Variants in NUP188 observed in about 807,000 individuals in gnomAD.
NUP188 encodes nucleoporin NUP188.
In NUP188, 97 loss-of-function variants were observed where a neutral mutation model predicts 223.0. That is an observed-to-expected ratio of 0.43 (90% confidence interval 0.37 to 0.51). NUP188 has a LOEUF of 0.51. Ranked by LOEUF, NUP188 falls within the 20% of genes least tolerant of loss-of-function variation. The pLI, the probability that NUP188 is intolerant of heterozygous loss-of-function variation, is 0.00. For synonymous variants in NUP188, 869 were observed against 828.0 expected (o/e 1.05, Z -0.85); for missense variants, 1,947 against 2,175.6 (o/e 0.89, Z 2.09).
At position 128,958,284 on chromosome 9, in the gene NUP188, G is replaced by C. The variant is rs1448444190; in HGVS notation, c.372+230G>C. 2.0e-5 allele frequency among the ~76,000 whole-genome samples: 3 copies of C among 152,118 alleles called. No homozygotes were observed. In the South Asian group the frequency reaches 6.2e-4, roughly 32 times the overall value. ...TACTGGTGGTGAGAACAAGTTCATG[G>C]ATATTTTTTCTTTAGGTGTAAGTCC... On this transcript the variant is annotated intron_variant, in intron 6 of 43. Coordinates refer to ENST00000372577, the MANE Select transcript of NUP188 (RefSeq NM_015354.3).
Position 128,987,572 on chromosome 9 carries a change from A to ATG in NUP188, c.2265-16_2265-15insGT. The ATG allele has an allele frequency of 6.2e-7, 1 of 1,606,226 alleles. No homozygotes were observed. Among genetic ancestry groups the ATG allele is most frequent in the Non-Finnish European group, 8.5e-7 (1 of 1,176,426 alleles). ...CTGAGTGGCTCCCTGGTAACTCAGA[A>ATG]TACCTCTGTCTTCCAGTCATACTCC... On this transcript the variant is annotated splice_polypyrimidine_tract_variant and intron_variant, in intron 22 of 43. Transcript: ENST00000372577.
chr9:129,005,501 C>G lies in NUP188; in HGVS notation c.4708C>G (p.Pro1570Ala), dbSNP rs140013502. The G allele has an allele frequency of 8.1e-6, 13 of 1,606,370 alleles. No individual in the cohort carries two copies. Among genetic ancestry groups the G allele is most frequent in the Middle Eastern group, 3.3e-4 (2 of 6,084 alleles). Residue 1570 changes from proline to alanine, a missense_variant, in exon 40 of 44, where the codon CCA becomes GCA. By Grantham distance (27) the Pro-to-Ala change is conservative. Around this residue, in one of 3 missense-constraint regions of NUP188, gnomAD observed 905 missense variants for 990.6 expected, o/e 0.91. Coordinates refer to ENST00000372577, the MANE Select transcript of NUP188 (RefSeq NM_015354.3). ...KTLAALRHFT[P>A]DVCQILLDQS... is the part of the protein sequence containing the mutation. Reference sequence around the variant, plus strand: ...GCTGGCAGCCCTGCGCCACTTCACCCCAGATGTCTGCCAGATTCTGCTGGA... The same window carrying G: ...GCTGGCAGCCCTGCGCCACTTCACCGCAGATGTCTGCCAGATTCTGCTGGA...
Position 128,957,908 on chromosome 9 carries a change from G to A in NUP188, c.328-102G>A. ...GGAAAGTATATGTAGAAACAAATGT[G>A]CAATTATAATCTTGAAGGATGAAGT... On this transcript the variant is annotated intron_variant, in intron 5 of 43. Transcript: ENST00000372577. 4.7e-6 allele frequency: 4 copies of A among 857,834 alleles called. No individual in the cohort carries two copies. The South Asian group carries it at 4.8e-5, about 10-fold the overall frequency. The allele number at this position is 857,834 out of a possible 1,614,324, so 53.1% of individuals were successfully genotyped here. A position where few individuals can be genotyped will look rare whatever the true frequency, so the allele number is the denominator to read the frequency against.
chr9:128,970,989 G>T lies in NUP188; in HGVS notation c.1113+31G>T. ...TTTAAGGCTCTGGGTGGTGAGCATG[G>T]GAGTGAGCCGGCAGAAGCATTATAA... On this transcript the variant is annotated intron_variant, in intron 11 of 43. Transcript: ENST00000372577. 3 of 1,522,482 alleles carry T rather than the reference G, an allele frequency of 2.0e-6. No homozygotes were observed. The South Asian group carries it at 3.4e-5, about 17-fold the overall frequency. The allele number at this position is 1,522,482 out of a possible 1,614,324, so 94.3% of individuals were successfully genotyped here.
In NUP188 at chr9:128,960,992, GGA is replaced by G. The variant is rs1215817104; in HGVS notation, c.585+1861_585+1862del. On this transcript the variant is annotated intron_variant, in intron 8 of 43. Coordinates refer to ENST00000372577, the MANE Select transcript of NUP188 (RefSeq NM_015354.3). ...CTCAGCTACTCAGGAGGCTGGAGTG[GGA>G]GATTCACTTGAGCCTAGGAGGCAGA... 1.7e-3 allele frequency among the ~76,000 whole-genome samples: 263 copies of G among 151,792 alleles called. 1 individual carries two copies. The highest frequency in any genetic ancestry group is 6.8e-3 in the Middle Eastern group (2 of 294).
intron 8 of NUP188, 119 bp from the exon 9 acceptor site, chr9:128,968,387 C>G: frequency 1.4e-6 from 1 of 718,152 alleles, no homozygotes; most frequent in South Asian, 1.9e-5. Flanking sequence ...CAGCCATAAT[C>G]TGCCACTGCA....
At chr9:128,988,283 A>G (rs1424578755) in intron 24 of NUP188, 97 bp downstream of exon 24, 6 of 1,377,226 alleles carry the variant, frequency 4.4e-6, no homozygotes, top group African/African-American at 2.9e-5. Flanking sequence ...TTGGATGTCA[A>G]CAGTATTTTC....
chr9:128,964,838 C>T (rs1842006057), intron 8 of NUP188, among the ~76,000 whole-genome samples: 1 of 151,640 alleles, frequency 6.6e-6, no homozygotes, highest in African/African-American at 2.4e-5. Flanking sequence ...TCCCGAGTAG[C>T]TGGGATTACA....
chr9:129,005,119 C>G (rs757007643), intron 38 of NUP188, 28 bp from the exon 39 acceptor site: 1 of 1,577,626 alleles, frequency 6.3e-7, no homozygotes. Flanking sequence ...ACAAGAGAAT[C>G]CGCTCATCTC....
At position 128,979,301 on chromosome 9, in the gene NUP188, T is replaced by G. The variant is rs1432870994; in HGVS notation, c.1243T>G (p.Ser415Ala). 1.2e-6 allele frequency: 2 copies of G among 1,612,482 alleles called. No individual in the cohort carries two copies. The highest frequency in any genetic ancestry group is 1.7e-6 in the Non-Finnish European group (2 of 1,178,946). ...AGCATGTGAAGTATTGGCCGACCCT[T>G]CTCTTCCGGAACTGTTCTGGGGAAC... Reference protein sequence around the residue: ...DTACEVLADPSLPELFWGTEP... With the variant: ...DTACEVLADPALPELFWGTEP... Residue 415 changes from serine to alanine, a missense_variant, in exon 13 of 44, where the codon TCT becomes GCT. By Grantham distance (99) the Ser-to-Ala change is moderately conservative. This residue lies in a region of NUP188 where 817 missense variants were observed against 865.8 expected (regional missense o/e 0.94). Transcript: ENST00000372577.
chr9:128,956,241 G>T, intron 3 of NUP188, 109 bp from the exon 4 acceptor site: 23 of 505,120 alleles, frequency 4.6e-5, no homozygotes, highest in East Asian at 7.3e-5. Flanking sequence ...GTGTTTATAG[G>T]CATCTGAAGG....
chr9:128,975,719 T>C (rs1266805922), intron 12 of NUP188, among the ~76,000 whole-genome samples: 2 of 151,078 alleles, frequency 1.3e-5, no homozygotes, highest in Non-Finnish European at 2.9e-5. Context: ...GGTTTTGCCA[T>C]GTTGGCCAGG....
rs1842355579 is a variant in NUP188, at chr9:128,987,556, T to A, written c.2265-33T>A. 5 of 1,596,950 alleles carry A rather than the reference T, an allele frequency of 3.1e-6. No individual in the cohort carries two copies. The East Asian group carries it at 1.1e-4, about 36-fold the overall frequency. On this transcript the variant is annotated intron_variant, in intron 22 of 43. Transcript: ENST00000372577. Reference sequence around the variant, plus strand: ...TTCCTTCCAAGATACACTGAGTGGCTCCCTGGTAACTCAGAATACCTCTGT... The same window carrying A: ...TTCCTTCCAAGATACACTGAGTGGCACCCTGGTAACTCAGAATACCTCTGT...
Position 129,006,925 on chromosome 9 carries a change from G to A in NUP188, c.*247G>A, listed in dbSNP as rs1191941964. On this transcript the variant is annotated 3_prime_UTR_variant, in exon 44 of 44. Transcript: ENST00000372577. ...CTCACGCTGCAGACGCCCCCTAGAG[G>A]AACTTTCCTTCCTTTCCAGCATTCC... The A allele has an allele frequency of 7.3e-6, 3 of 413,644 alleles. No homozygotes were observed. The East Asian group carries it at 1.1e-4, about 16-fold the overall frequency. The allele number at this position is 413,644 out of a possible 1,614,324, so 25.6% of individuals were successfully genotyped here. A position where few individuals can be genotyped will look rare whatever the true frequency, so the allele number is the denominator to read the frequency against.
Position 129,006,556 on chromosome 9 carries a change from C to G in NUP188, c.5128C>G (p.Pro1710Ala). Residue 1710 changes from proline to alanine, a missense_variant, in exon 44 of 44, where the codon CCT (proline) becomes GCT (alanine). This residue lies in a region of NUP188 where 905 missense variants were observed against 990.6 expected (regional missense o/e 0.91). Coordinates refer to ENST00000372577, the MANE Select transcript of NUP188 (RefSeq NM_015354.3). ...CTTCCGCCGGGGAGCCCCCAGCTCC[C>G]CTGCCACTGGTGTCCTCCCCTCGCC... is the stretch of plus-strand genomic sequence containing the variant. ...RYFRRGAPSSPATGVLPSPQG... is the reference protein window; with the variant it reads ...RYFRRGAPSSAATGVLPSPQG... 6.2e-7 allele frequency: 1 copy of G among 1,614,202 alleles called. No individual in the cohort carries two copies.
chr9:128,956,896 C>A, intron 4 of NUP188, 56 bp from the exon 5 acceptor site: 1 of 1,213,006 alleles, frequency 8.2e-7, no homozygotes, highest in South Asian at 1.3e-5. Context: ...TTTAAATTCT[C>A]TGCATCCTGT....
At chr9:128,988,789 C>A (rs1022117660) in intron 24 of NUP188, among the ~76,000 whole-genome samples, 1 of 132,864 alleles carries the variant, frequency 7.5e-6, no homozygotes, top group African/African-American at 2.8e-5. Context: ...TGCAGTGGCG[C>A]AATCTCGGCT....
intron 8 of NUP188, among the ~76,000 whole-genome samples, chr9:128,966,091 G>A (rs1008558644): frequency 4.0e-5 from 6 of 151,258 alleles, no homozygotes; most frequent in African/African-American, 1.5e-4. Flanking sequence ...CACCGCGCCC[G>A]GACTCTCTCT....
At chr9:128,954,138 T>A (rs1244850979) in intron 3 of NUP188, among the ~76,000 whole-genome samples, 2 of 151,734 alleles carry the variant, frequency 1.3e-5, no homozygotes, top group African/African-American at 2.4e-5. Context: ...CCTATTGTTT[T>A]CTTTACTATC....
Sources: gnomAD v4.1 joint callset for allele counts (sites outside exome capture counted in the v4.1 genomes callset) on GRCh38, gnomAD v4.1.1 for gene constraint, gnomAD v4.1.1 regional missense constraint, MANE v1.5 for transcripts, NCBI Gene and HGNC (gene_info 2026-07-23, HGNC 2026-07-21) for gene names.